The following CSMD2 variants were observed in gnomAD, a reference collection of about 807,000 sequenced individuals.
CSMD2 encodes CUB and Sushi multiple domains 2.
Under a neutral mutation model 398.5 loss-of-function variants are expected in CSMD2, and 130 were observed. The observed-to-expected ratio is 0.33, with a 90% CI of 0.28 to 0.38. The LOEUF (loss-of-function observed/expected upper bound fraction) is 0.38, where lower values mean the gene tolerates loss of function less well. CSMD2 is among the 10% of genes least tolerant of loss of function. The probability of loss-of-function intolerance (pLI) is 1.00; values close to 1 mark genes in which losing one functional copy is unlikely to be tolerated. For missense variants in CSMD2, 3,829 were observed against 4,764.9 expected, an observed-to-expected ratio of 0.80 and a Z score of 5.78; for synonymous variants, 1,828 against 1,908.5, an observed-to-expected ratio of 0.96 and a Z score of 1.10.
intron 5 of CSMD2, among the ~76,000 whole-genome samples, chr1:33,901,946 T>G (rs1642785669): frequency 6.6e-6 from 1 of 152,212 alleles, no homozygotes; most frequent in Non-Finnish European, 1.5e-5. Context: ...CTTTATATTA[T>G]CACTCTGGAA....
intron 1 of CSMD2, among the ~76,000 whole-genome samples, chr1:34,114,906 T>A (rs1421696628): frequency 1.3e-5 from 2 of 152,016 alleles, no homozygotes; most frequent in Non-Finnish European, 2.9e-5. Flanking sequence ...TTAGAAACTA[T>A]AATACAAGAT....
At position 33,519,984 on chromosome 1, in the gene CSMD2, GA is replaced by G; in HGVS notation, c.10598-35del. ...TCCCAAAGCAGAAAAGTCAAGTCACGAGACACAGTCTGAGGCTCCGTTGGCT... is the reference window on the plus strand; with the variant it reads ...TCCCAAAGCAGAAAAGTCAAGTCACGGACACAGTCTGAGGCTCCGTTGGCT... On this transcript the variant is annotated intron_variant, in intron 68 of 70. Transcript: ENST00000373381. The surrounding 1 kb of genome is among the most constrained non-coding windows in gnomAD (Gnocchi z 5.6). 1 of 1,611,866 alleles carries G rather than the reference GA, an allele frequency of 6.2e-7. No individual in the cohort carries two copies.
intron 3 of CSMD2, among the ~76,000 whole-genome samples, chr1:34,009,392 A>T (rs1299011452): frequency 6.6e-6 from 1 of 151,974 alleles, no homozygotes; most frequent in Non-Finnish European, 1.5e-5. Context: ...TGAACTCTGC[A>T]TACTCCAGGG....
intron 3 of CSMD2, among the ~76,000 whole-genome samples, chr1:34,021,796 C>T (rs952396019): frequency 6.6e-6 from 1 of 152,158 alleles, no homozygotes; most frequent in African/African-American, 2.4e-5. Flanking sequence ...AGCTCTGGGT[C>T]AGAGAACAGG....
At chr1:33,980,401 C>T (rs967881227) in intron 3 of CSMD2, among the ~76,000 whole-genome samples, 3 of 152,164 alleles carry the variant, frequency 2.0e-5, no homozygotes, top group African/African-American at 7.2e-5. Context: ...GGTCAGGTCT[C>T]ACAGTGAAAC....
Position 33,580,883 on chromosome 1 carries a change from ACT to A in CSMD2, c.7255_7256del (p.Pro2420SerfsTer29), listed in dbSNP as rs1638651205. 6.2e-7 allele frequency: 1 copy of A among 1,613,918 alleles called. No individual in the cohort carries two copies. Among genetic ancestry groups the A allele is most frequent in the Non-Finnish European group, 8.5e-7 (1 of 1,180,022 alleles). On this transcript the variant is annotated frameshift_variant, in exon 48 of 71. Coordinates refer to ENST00000373381, the MANE Select transcript of CSMD2 (RefSeq NM_001281956.2). LOFTEE classifies it high-confidence loss of function. ...TCCCACTGAGGGCTTTCAGCAGAGG[ACT>A]CTGTCCTGATGGACCTGGGGTGAGA... Reference protein sequence around the residue: ...FEIFDGPSGQSPLLKALSGNY... With the variant: ...FEIFDGPSGQXPLLKALSGNY...
At chr1:33,749,185 C>T (rs1348197274) in intron 13 of CSMD2, among the ~76,000 whole-genome samples, 6 of 150,404 alleles carry the variant, frequency 4.0e-5, no homozygotes, top group South Asian at 4.2e-4. Context: ...GCAGGCTCCA[C>T]CCCCCCAGGT....
chr1:33,769,070 C>T (rs1056376789), intron 13 of CSMD2, among the ~76,000 whole-genome samples: 4 of 152,132 alleles, frequency 2.6e-5, no homozygotes, highest in African/African-American at 9.7e-5. Flanking sequence ...AAGCATTCTG[C>T]CAGCCTGTCG....
intron 25 of CSMD2, among the ~76,000 whole-genome samples, chr1:33,688,471 A>C (rs1019267229): frequency 5.3e-5 from 8 of 152,206 alleles, no homozygotes; most frequent in African/African-American, 1.7e-4. Flanking sequence ...ATTACAGAGT[A>C]AGATTGTGGA....
chr1:34,051,406 T>G (rs1653156956), intron 2 of CSMD2, among the ~76,000 whole-genome samples: 1 of 152,202 alleles, frequency 6.6e-6, no homozygotes, highest in African/African-American at 2.4e-5. Context: ...AGTATCCCTC[T>G]TTATTTTGTT....
At chr1:34,103,591 G>A (rs952568511) in intron 1 of CSMD2, among the ~76,000 whole-genome samples, 4 of 152,026 alleles carry the variant, frequency 2.6e-5, no homozygotes, top group African/African-American at 4.8e-5. Flanking sequence ...CACTGCGTCC[G>A]ACCCTCCTTG....
chr1:33,919,136 C>T (rs772903901), intron 4 of CSMD2, among the ~76,000 whole-genome samples: 8 of 152,136 alleles, frequency 5.3e-5, no homozygotes, highest in African/African-American at 1.9e-4. Flanking sequence ...GAGCTAAGGT[C>T]GTGTGGAGGG....
chr1:33,772,490 G>T, intron 13 of CSMD2, 79 bp downstream of exon 13: 1 of 1,385,474 alleles, frequency 7.2e-7, no homozygotes. Flanking sequence ...TCCCAGGGAC[G>T]GGGCCCCTGG....
intron 7 of CSMD2, among the ~76,000 whole-genome samples, chr1:33,823,490 G>A (rs1029078059): frequency 6.6e-6 from 1 of 152,128 alleles, no homozygotes; most frequent in African/African-American, 2.4e-5. Context: ...GGACAGGAAT[G>A]GGGAGTAATC....
chr1:33,628,427 G>C (rs540355326), intron 32 of CSMD2, among the ~76,000 whole-genome samples: 1 of 152,238 alleles, frequency 6.6e-6, no homozygotes, highest in South Asian at 2.1e-4. Context: ...CCAACACTTT[G>C]GGAGGCTGAG....
intron 21 of CSMD2, among the ~76,000 whole-genome samples, chr1:33,713,389 T>C (rs1170308687): frequency 6.6e-6 from 1 of 152,234 alleles, no homozygotes; most frequent in East Asian, 1.9e-4. Flanking sequence ...TATATTTTTA[T>C]GGGGTTTTAT....
intron 53 of CSMD2, among the ~76,000 whole-genome samples, chr1:33,561,267 G>A (rs895161821): frequency 6.6e-6 from 1 of 152,114 alleles, no homozygotes; most frequent in South Asian, 2.1e-4. Context: ...GGGACATGCT[G>A]TTAGTGGACC....
At chr1:33,536,658 A>G (rs1490471717) in intron 62 of CSMD2, among the ~76,000 whole-genome samples, 3 of 152,190 alleles carry the variant, frequency 2.0e-5, no homozygotes, top group Non-Finnish European at 2.9e-5. Context: ...TGTGTGGCAC[A>G]TGCTCGTTGC....
chr1:33,908,483 C>T (rs971047604), intron 5 of CSMD2, among the ~76,000 whole-genome samples: 5 of 152,252 alleles, frequency 3.3e-5, no homozygotes, highest in African/African-American at 4.8e-5. Flanking sequence ...TGGCACAGGC[C>T]GCCTCGCAGA....
Sources: allele counts gnomAD v4.1 joint callset (sites outside exome capture counted in the v4.1 genomes callset), GRCh38; gene constraint gnomAD v4.1.1; non-coding constraint Gnocchi (gnomAD v3.1); transcripts MANE v1.5; gene names NCBI Gene and HGNC (gene_info 2026-07-23, HGNC 2026-07-21).